The following FAM177B variants were observed in gnomAD, a reference collection of about 807,000 sequenced individuals.
FAM177B encodes the protein protein FAM177B.
A neutral mutation model predicts 16.1 loss-of-function variants in FAM177B; 16 were observed. The observed-to-expected ratio is 0.99, with a 90% CI of 0.67 to 1.51. The LOEUF (loss-of-function observed/expected upper bound fraction) is 1.51. FAM177B is among the 40% of genes most tolerant of loss of function. The pLI, the probability that FAM177B is intolerant of heterozygous loss-of-function variation, is 0.00. For synonymous variants in FAM177B, 56 were observed against 59.9 expected (o/e 0.93, Z 0.30); for missense variants, 178 against 183.7 (o/e 0.97, Z 0.18).
intron 2 of FAM177B, among the ~76,000 whole-genome samples, chr1:222,740,638 A>G (rs1658479817): frequency 1.3e-5 from 2 of 152,186 alleles, no homozygotes; most frequent in Admixed American, 1.3e-4. Context: ...TTTTGTTATT[A>G]TCTAATACTT....
chr1:222,749,686 C>T (rs1658968257), intron 5 of FAM177B, 124 bp downstream of exon 5: 2 of 731,972 alleles, frequency 2.7e-6, no homozygotes, highest in Admixed American at 2.6e-5. Flanking sequence ...ACCAAGCTCC[C>T]ATAGTCAGAC....
At chr1:222,737,617 A>G (rs776979570) in intron 1 of FAM177B, among the ~76,000 whole-genome samples, 1 of 152,132 alleles carries the variant, frequency 6.6e-6, no homozygotes, top group Non-Finnish European at 1.5e-5. Context: ...GAAAGCTCGT[A>G]GGGGTTAGGT....
chr1:222,738,615 G>A (rs959653018), intron 2 of FAM177B, among the ~76,000 whole-genome samples: 8 of 148,532 alleles, frequency 5.4e-5, no homozygotes, highest in Admixed American at 1.3e-4. Context: ...GTGGGAGGTC[G>A]AGGTTGCACC....
At chr1:222,738,715 C>G (rs555824097) in intron 2 of FAM177B, among the ~76,000 whole-genome samples, 1 of 151,990 alleles carries the variant, frequency 6.6e-6, no homozygotes, top group Admixed American at 6.6e-5. Flanking sequence ...AGATCACTTA[C>G]AAAATACCGA....
Position 222,749,253 on chromosome 1 carries a change from C to T in FAM177B, c.242-212C>T, listed in dbSNP as rs114063646. ...GGAAAAAATAGTTTATATATAATCC[C>T]ATATAAAGATAGAAGATTTGACAAA... is the stretch of plus-strand genomic sequence containing the variant. On this transcript the variant is annotated intron_variant, in intron 4 of 5. Coordinates refer to ENST00000445590, the MANE Select transcript of FAM177B (RefSeq NM_001394345.1). 3.4e-3 allele frequency: 1,739 copies of T among 518,188 alleles called. 18 individuals carry two copies. The highest frequency in any genetic ancestry group is 0.03 in the African/African-American group (1,554 of 51,776). 32.1% of individuals were successfully genotyped at this position (518,188 alleles called of 1,614,324 possible). A position where few individuals can be genotyped will look rare whatever the true frequency, so the allele number is the denominator to read the frequency against.
chr1:222,749,814 A>G, intron 5 of FAM177B, 107 bp from the exon 6 acceptor site: 1 of 1,211,804 alleles, frequency 8.3e-7, no homozygotes, highest in South Asian at 1.3e-5. Context: ...GAGAAGGCTC[A>G]GATTGCTTAA....
chr1:222,749,319 T>A (rs1465401124), intron 4 of FAM177B, 146 bp from the exon 5 acceptor site: 3 of 562,440 alleles, frequency 5.3e-6, no homozygotes, highest in Non-Finnish European at 9.5e-6. Flanking sequence ...CCAAGGCAAT[T>A]GAAATGTTTT....
At chr1:222,741,928 C>CTCTCTTTCTT (rs1553304203) in intron 2 of FAM177B, among the ~76,000 whole-genome samples, 2 of 84,740 alleles carry the variant, frequency 2.4e-5, no homozygotes, top group African/African-American at 6.2e-5. Flanking sequence ...CTCTCTCTCT[C>CTCTCTTTCTT]TCTTTCTTTC....
chr1:222,750,396 T>G lies in FAM177B; in HGVS notation c.*338T>G, dbSNP rs1658998487. ...AAGGAACTTTGGGACTGGGAGTTTT[T>G]GGCTGAAATCCTCTGTCATGGGACG... On this transcript the variant is annotated 3_prime_UTR_variant, in exon 6 of 6. Transcript: ENST00000445590. The G allele has an allele frequency of 9.6e-7, 1 of 1,045,256 alleles. No individual in the cohort carries two copies. Among genetic ancestry groups the G allele is most frequent in the Non-Finnish European group, 1.1e-6 (1 of 869,822 alleles). 64.7% of individuals were successfully genotyped at this position (1,045,256 alleles called of 1,614,324 possible).
At chr1:222,741,151 T>C (rs944625652) in intron 2 of FAM177B, among the ~76,000 whole-genome samples, 10 of 139,760 alleles carry the variant, frequency 7.2e-5, no homozygotes, top group Non-Finnish European at 1.5e-4. Context: ...CTCCACCTCC[T>C]GGGTTCAAGC....
intron 2 of FAM177B, among the ~76,000 whole-genome samples, chr1:222,745,646 G>A (rs545383306): frequency 3.9e-4 from 59 of 151,764 alleles, no homozygotes; most frequent in Non-Finnish European, 7.1e-4. Context: ...TTTAGGCTGC[G>A]CACAGTGGCT....
intron 2 of FAM177B, among the ~76,000 whole-genome samples, chr1:222,745,650 A>T (rs757913764): frequency 2.6e-5 from 4 of 151,956 alleles, no homozygotes; most frequent in Non-Finnish European, 4.4e-5. Context: ...GGCTGCGCAC[A>T]GTGGCTCATG....
chr1:222,744,689 C>T (rs1183697178), intron 2 of FAM177B, among the ~76,000 whole-genome samples: 1 of 152,078 alleles, frequency 6.6e-6, no homozygotes, highest in African/African-American at 2.4e-5. Context: ...TCATTTCATA[C>T]TATTATTTTA....
intron 2 of FAM177B, among the ~76,000 whole-genome samples, chr1:222,741,813 TTC>T (rs1658551597): frequency 6.7e-6 from 1 of 148,932 alleles, no homozygotes; most frequent in African/African-American, 2.5e-5. Context: ...TCTTTCTTTC[TTC>T]TTTCTTTCTT....
rs572931053 is a variant in FAM177B, at chr1:222,745,107, T to A, written c.-15-1424T>A. Among the ~76,000 whole-genome samples the A allele has an allele frequency of 1.1e-4, 17 of 152,316 alleles. No individual in the cohort carries two copies. In the East Asian group the frequency reaches 3.3e-3, roughly 29 times the overall value. ...TCACAGTGTTACAAATATTCATTGT[T>A]TATTACTTTTAATTGCTGAGGAGTA... On this transcript the variant is annotated intron_variant, in intron 2 of 5. Transcript: ENST00000445590.
intron 2 of FAM177B, among the ~76,000 whole-genome samples, chr1:222,742,830 C>T (rs1274971745): frequency 6.6e-6 from 1 of 151,764 alleles, no homozygotes; most frequent in African/African-American, 2.4e-5. Context: ...GCAATTTGTT[C>T]TTTTCCAAGT....
intron 2 of FAM177B, among the ~76,000 whole-genome samples, chr1:222,745,176 T>C (rs1309906572): frequency 6.6e-6 from 1 of 152,218 alleles, no homozygotes; most frequent in Non-Finnish European, 1.5e-5. Context: ...CCATCGTCAG[T>C]GGATGGACAT....
rs771827014 is a variant in FAM177B at position 222,749,552 on chromosome 1, TA to T, written c.330del (p.Gln111LysfsTer42). 5 of 1,587,580 alleles carry T rather than the reference TA, an allele frequency of 3.1e-6. No homozygotes were observed. Among genetic ancestry groups the T allele is most frequent in the Non-Finnish European group, 4.3e-6 (5 of 1,159,246 alleles). On this transcript the variant is annotated frameshift_variant, in exon 5 of 6. Transcript: ENST00000445590. LOFTEE classifies it low-confidence loss of function (END_TRUNC). Reference protein sequence around the residue: ...YQYVLNEFYRIQNKKSDNKSE... With the variant: ...YQYVLNEFYRXQNKKSDNKSE... The stretch of plus-strand genomic sequence containing the variant: ...TATGTGTTAAACGAGTTCTATAGGA[TA>T]CAAAACAAGGTATGTGACACTCTGA...
intron 2 of FAM177B, among the ~76,000 whole-genome samples, chr1:222,741,804 C>T (rs982044665): frequency 1.5e-5 from 2 of 137,848 alleles, no homozygotes; most frequent in South Asian, 2.4e-4. Context: ...TTCTTTCTCT[C>T]TTTCTTTCTT....
Sources: gnomAD v4.1 joint callset for allele counts (sites outside exome capture counted in the v4.1 genomes callset) on GRCh38, gnomAD v4.1.1 for gene constraint, MANE v1.5 for transcripts, NCBI Gene and HGNC (gene_info 2026-07-23, HGNC 2026-07-21) for gene names.